ABCC4: variants seen among roughly 807,000 people sequenced by gnomAD.
The protein encoded by ABCC4 is ATP binding cassette subfamily C member 4 (PEL blood group).
ABCC4 carries 102 observed loss-of-function variants against 168.5 expected under a neutral mutation model. The ratio of observed to expected loss-of-function variants is 0.61; its 90% CI spans 0.52 to 0.71. The LOEUF (loss-of-function observed/expected upper bound fraction) is 0.71, where lower values mean the gene tolerates loss of function less well. ABCC4 is among the 30% of genes least tolerant of loss of function. The pLI is 0.00. For synonymous variants in ABCC4, 617 were observed against 590.7 expected, an observed-to-expected ratio of 1.04 and a Z score of -0.65; for missense variants, 1,402 against 1,605.8, an observed-to-expected ratio of 0.87 and a Z score of 2.17.
At chr13:95,153,310 T>C (rs1330876798) in intron 19 of ABCC4, among the ~76,000 whole-genome samples, 1 of 152,176 alleles carries the variant, frequency 6.6e-6, no homozygotes. Context: ...ACAGCAGATA[T>C]TGGGATATGC....
chr13:95,296,185 A>ACACACACAC (rs2041531845), intron 1 of ABCC4, among the ~76,000 whole-genome samples: 6 of 11,906 alleles, frequency 5.0e-4, no homozygotes, highest in Non-Finnish European at 1.5e-3. Flanking sequence ...CACACACACA[A>ACACACACAC]AAACACAAAA....
intron 1 of ABCC4, among the ~76,000 whole-genome samples, chr13:95,285,145 G>C (rs1379126465): frequency 6.6e-6 from 1 of 152,164 alleles, no homozygotes; most frequent in East Asian, 1.9e-4. Context: ...CTACTCAAAA[G>C]GCTGTGATTA....
At chr13:95,048,180 T>C (rs975374375) in intron 27 of ABCC4, among the ~76,000 whole-genome samples, 1 of 152,254 alleles carries the variant, frequency 6.6e-6, no homozygotes, top group African/African-American at 2.4e-5. Flanking sequence ...AACATTATAC[T>C]TTAAAATATA....
At chr13:95,157,909 A>G (rs1172784023) in intron 19 of ABCC4, among the ~76,000 whole-genome samples, 2 of 151,028 alleles carry the variant, frequency 1.3e-5, no homozygotes, top group Non-Finnish European at 2.9e-5. Flanking sequence ...TCTCTACTAA[A>G]AAAGTACAAA....
intron 8 of ABCC4, among the ~76,000 whole-genome samples, chr13:95,195,983 G>A (rs1054150849): frequency 1.3e-5 from 2 of 151,946 alleles, no homozygotes; most frequent in Non-Finnish European, 2.9e-5. Context: ...ACAGCAGAAC[G>A]GACCAATCTC....
At chr13:95,101,015 T>C (rs1249246219) in intron 20 of ABCC4, among the ~76,000 whole-genome samples, 1 of 152,234 alleles carries the variant, frequency 6.6e-6, no homozygotes, top group Non-Finnish European at 1.5e-5. Context: ...CTTTTGCTTC[T>C]ATAAAAGCGA....
At chr13:95,158,611 T>C (rs1434366036) in intron 19 of ABCC4, among the ~76,000 whole-genome samples, 8 of 152,192 alleles carry the variant, frequency 5.3e-5, no homozygotes, top group Admixed American at 2.6e-4. Context: ...AATAACTAAG[T>C]ATTCAGACAT....
rs773328777 is a variant in ABCC4, at chr13:95,286,123, C to CTTTTTTTTT, written c.74+15109_74+15117dup. Among the ~76,000 whole-genome samples, 13 of 105,558 alleles carry CTTTTTTTTT rather than the reference C, an allele frequency of 1.2e-4. 2 individuals are homozygous for CTTTTTTTTT. Among genetic ancestry groups the CTTTTTTTTT allele is most frequent in the Non-Finnish European group, 2.2e-4 (12 of 53,890 alleles). The allele number at this position is 105,558 out of a possible 152,430, so 69.3% of individuals were successfully genotyped here. On this transcript the variant is annotated intron_variant, in intron 1 of 30. Transcript: ENST00000645237. ...GCTGTGAAACTGCTTTCCAGAAAAA[C>CTTTTTTTTT]TTTTTTTTTTTTTTGAGACGGAGTC...
chr13:95,258,653 C>A (rs528907239), intron 1 of ABCC4, among the ~76,000 whole-genome samples: 3 of 151,786 alleles, frequency 2.0e-5, no homozygotes, highest in African/African-American at 7.2e-5. Context: ...AGGGACCAGG[C>A]GAGCCACTCA....
intron 19 of ABCC4, among the ~76,000 whole-genome samples, chr13:95,151,228 C>A (rs1447446582): frequency 2.0e-5 from 3 of 152,006 alleles, no homozygotes; most frequent in Non-Finnish European, 4.4e-5. Context: ...ACACCTGTCC[C>A]AGCACTTTGG....
At chr13:95,029,156 TA>T (rs1161145516) in intron 30 of ABCC4, among the ~76,000 whole-genome samples, 3 of 125,738 alleles carry the variant, frequency 2.4e-5, no homozygotes, top group South Asian at 2.5e-4. Context: ...GAAACTGCTT[TA>T]AAAAAAATAC....
intron 8 of ABCC4, 102 bp downstream of exon 8, chr13:95,206,430 G>C (rs1435894296): frequency 6.7e-7 from 1 of 1,482,200 alleles, no homozygotes; most frequent in Non-Finnish European, 9.2e-7. Context: ...GGTTATGAGA[G>C]AGTTAAATGT....
intron 30 of ABCC4, among the ~76,000 whole-genome samples, chr13:95,024,196 G>C (rs1352361726): frequency 8.0e-6 from 1 of 124,362 alleles, no homozygotes; most frequent in Middle Eastern, 5.8e-3. Context: ...GACAGAGTGA[G>C]AGACTGTCTC....
intron 19 of ABCC4, among the ~76,000 whole-genome samples, chr13:95,149,692 T>C (rs1210333103): frequency 6.6e-6 from 1 of 152,236 alleles, no homozygotes; most frequent in Non-Finnish European, 1.5e-5. Context: ...TGTGGAATTG[T>C]ATGTGGAGAA....
chr13:95,272,257 G>A (rs1285298427), intron 1 of ABCC4, among the ~76,000 whole-genome samples: 1 of 147,424 alleles, frequency 6.8e-6, no homozygotes, highest in Non-Finnish European at 1.5e-5. Flanking sequence ...CGTTGGCCAG[G>A]CTGGTCTCAA....
intron 19 of ABCC4, among the ~76,000 whole-genome samples, chr13:95,148,409 A>C (rs951289329): frequency 2.0e-5 from 3 of 152,180 alleles, no homozygotes; most frequent in African/African-American, 7.2e-5. Context: ...TAAATCCCCT[A>C]TTAGAAAATA....
intron 7 of ABCC4, 106 bp from the exon 8 acceptor site, chr13:95,206,887 A>G: frequency 7.3e-7 from 1 of 1,360,802 alleles, no homozygotes; most frequent in South Asian, 1.3e-5. Context: ...GAATTGTTTG[A>G]ACCCAGGAGT....
chr13:95,094,103 C>A (rs1366254691), intron 20 of ABCC4, among the ~76,000 whole-genome samples: 1 of 151,942 alleles, frequency 6.6e-6, no homozygotes, highest in East Asian at 1.9e-4. Flanking sequence ...GACCATACTG[C>A]CAAAAGCAAT....
intron 1 of ABCC4, among the ~76,000 whole-genome samples, chr13:95,295,160 C>T (rs537522344): frequency 2.0e-5 from 3 of 152,146 alleles, no homozygotes; most frequent in South Asian, 4.2e-4. Context: ...GGAAATAATG[C>T]TTTAAAAAAT....
Sources: gnomAD v4.1 joint callset for allele counts (sites outside exome capture counted in the v4.1 genomes callset) on GRCh38, gnomAD v4.1.1 for gene constraint, MANE v1.5 for transcripts, NCBI Gene and HGNC (gene_info 2026-07-23, HGNC 2026-07-21) for gene names.